The following LRP2 variants were observed in gnomAD, a reference collection of about 807,000 sequenced individuals.
The protein encoded by LRP2 is LDL receptor related protein 2.
In LRP2, 172 loss-of-function variants were observed where a neutral mutation model predicts 531.0. The observed-to-expected ratio is 0.32, with a 90% CI of 0.29 to 0.37. The LOEUF (loss-of-function observed/expected upper bound fraction) is 0.37. Ranked by LOEUF, LRP2 falls within the 10% of genes least tolerant of loss-of-function variation. The pLI, the probability that LRP2 is intolerant of heterozygous loss-of-function variation, is 1.00. For missense variants in LRP2, 5,167 were observed against 5,868.3 expected, an observed-to-expected ratio of 0.88 and a Z score of 3.90; for synonymous variants, 1,992 against 2,027.6, an observed-to-expected ratio of 0.98 and a Z score of 0.47.
chr2:169,228,936 G>A (rs900478294), intron 31 of LRP2, among the ~76,000 whole-genome samples: 5 of 152,146 alleles, frequency 3.3e-5, no homozygotes, highest in African/African-American at 9.7e-5. Flanking sequence ...CGGAGCAAAC[G>A]GGTAAAAATC....
intron 67 of LRP2, among the ~76,000 whole-genome samples, chr2:169,152,000 C>T (rs1686156656): frequency 6.6e-6 from 1 of 152,164 alleles, no homozygotes; most frequent in Non-Finnish European, 1.5e-5. Flanking sequence ...GTAGTGTCTC[C>T]TGAACCTTCC....
chr2:169,137,509 G>T lies in LRP2; in HGVS notation c.13519-16C>A. 3 of 1,396,318 alleles carry T rather than the reference G, an allele frequency of 2.1e-6. No individual in the cohort carries two copies. The highest frequency in any genetic ancestry group is 3.0e-6 in the Non-Finnish European group (3 of 984,350). 86.5% of individuals were successfully genotyped at this position (1,396,318 alleles called of 1,614,324 possible). ...AGTCTTCACTCTGATGGCAGAGACAGAAAGAGAGAGAGAGAGAGAGAGAGA... is the reference window on the plus strand; with the variant it reads ...AGTCTTCACTCTGATGGCAGAGACATAAAGAGAGAGAGAGAGAGAGAGAGA... On this transcript the variant is annotated splice_polypyrimidine_tract_variant and intron_variant, in intron 75 of 78. Transcript: ENST00000649046.
intron 52 of LRP2, 40 bp from the exon 53 acceptor site, chr2:169,178,066 TTCCTC>T: frequency 7.2e-7 from 1 of 1,397,354 alleles, no homozygotes; most frequent in Non-Finnish European, 1.0e-6. Context: ...ATAAAGGTAA[TTCCTC>T]TCCTCTAATG....
intron 49 of LRP2, among the ~76,000 whole-genome samples, 180 bp from the exon 50 acceptor site, chr2:169,186,199 C>T (rs754818009): frequency 2.6e-5 from 4 of 152,134 alleles, no homozygotes; most frequent in Non-Finnish European, 4.4e-5. Context: ...AACTTCCTCA[C>T]CAACTTACTC....
chr2:169,349,642 A>G (rs1266043029), intron 1 of LRP2, among the ~76,000 whole-genome samples: 1 of 152,154 alleles, frequency 6.6e-6, no homozygotes, highest in East Asian at 1.9e-4. Flanking sequence ...TGCCTCAGCT[A>G]TAGAAAGCCA....
intron 29 of LRP2, among the ~76,000 whole-genome samples, chr2:169,233,869 A>T (rs767428329): frequency 1.3e-5 from 2 of 152,188 alleles, no homozygotes; most frequent in Non-Finnish European, 2.9e-5. Context: ...AACAAAACTG[A>T]AGCACAAAAA....
rs976808695 is a variant in LRP2 at position 169,175,379 on chromosome 2, T to C, written c.10582A>G (p.Ile3528Val). The change falls in exon 55 of 79, where the codon ATC becomes GTC. Residue 3528 changes from isoleucine to valine, a missense_variant. Coordinates refer to ENST00000649046, the MANE Select transcript of LRP2 (RefSeq NM_004525.3). ...LCANNEKCIP[I>V]WWKCDGQKDC... ...TTCTGTCCATCACATTTCCACCAGA[T>C]AGGAATGCACCTGCACAGAGAACAT... 6.2e-7 allele frequency: 1 copy of C among 1,614,054 alleles called. No homozygotes were observed. Among genetic ancestry groups the C allele is most frequent in the East Asian group, 2.2e-5 (1 of 44,878 alleles).
intron 51 of LRP2, 150 bp downstream of exon 51, chr2:169,182,017 C>T: frequency 1.1e-6 from 1 of 940,126 alleles, no homozygotes. Flanking sequence ...TGCTTCTACT[C>T]ATTACACTAA....
chr2:169,227,144 G>A (rs999775217), intron 31 of LRP2, among the ~76,000 whole-genome samples: 1 of 152,166 alleles, frequency 6.6e-6, no homozygotes, highest in Non-Finnish European at 1.5e-5. Context: ...CTTGACTAGT[G>A]TCTCTCTTCC....
intron 68 of LRP2, among the ~76,000 whole-genome samples, 164 bp downstream of exon 68, chr2:169,150,734 T>C (rs1027596023): frequency 2.6e-5 from 4 of 152,122 alleles, no homozygotes; most frequent in Admixed American, 2.0e-4. Flanking sequence ...TTCTATATGA[T>C]CTCAAGGGCA....
chr2:169,314,808 C>A (rs1336927872), intron 3 of LRP2, among the ~76,000 whole-genome samples: 1 of 152,202 alleles, frequency 6.6e-6, no homozygotes, highest in Non-Finnish European at 1.5e-5. Flanking sequence ...GGCAGAGACA[C>A]AATTTTATCT....
intron 6 of LRP2, among the ~76,000 whole-genome samples, chr2:169,293,853 T>C (rs775080361): frequency 1.3e-5 from 2 of 152,076 alleles, no homozygotes; most frequent in Non-Finnish European, 2.9e-5. Flanking sequence ...AATCCAGTGA[T>C]ACAATATATC....
chr2:169,313,844 G>A lies in LRP2; in HGVS notation c.310+4918C>T, dbSNP rs535477840. Among the ~76,000 whole-genome samples, 5 of 152,276 alleles carry A rather than the reference G, an allele frequency of 3.3e-5. 1 individual carries two copies. The highest frequency in any genetic ancestry group is 4.1e-4 in the South Asian group (2 of 4,826). On this transcript the variant is annotated intron_variant, in intron 3 of 78. Transcript: ENST00000649046. ...TGGAACCTCCCTCCTCTCCCAAAGC[G>A]CTAGGATTTGAATGCCACAATACAT...
chr2:169,184,426 C>G (rs550433588), intron 50 of LRP2, among the ~76,000 whole-genome samples: 1 of 152,256 alleles, frequency 6.6e-6, no homozygotes, highest in African/African-American at 2.4e-5. Context: ...TTAAGGGAGT[C>G]AAATATAAGG....
chr2:169,290,324 G>A (rs1683968567), intron 8 of LRP2, among the ~76,000 whole-genome samples: 1 of 112,940 alleles, frequency 8.9e-6, no homozygotes, highest in Non-Finnish European at 1.6e-5. Context: ...TTTTCCATAA[G>A]TATAAGCCAG....
intron 46 of LRP2, among the ~76,000 whole-genome samples, chr2:169,194,994 C>T (rs1026574310): frequency 6.6e-6 from 1 of 152,168 alleles, no homozygotes; most frequent in African/African-American, 2.4e-5. Flanking sequence ...CAGGCGTGAG[C>T]CACCGCGCCT....
At chr2:169,300,484 T>C (rs986543941) in intron 4 of LRP2, among the ~76,000 whole-genome samples, 16 of 152,126 alleles carry the variant, frequency 1.1e-4, no homozygotes, top group Middle Eastern at 6.8e-3. Context: ...AAAAAATTTT[T>C]TTAAAGAAAG....
chr2:169,248,694 C>CA (rs1457917956), intron 19 of LRP2, among the ~76,000 whole-genome samples: 7 of 147,066 alleles, frequency 4.8e-5, no homozygotes, highest in African/African-American at 7.8e-5. Flanking sequence ...ACGCAGAAGA[C>CA]GGTGATTTCT....
chr2:169,356,820 C>T (rs978652293), intron 1 of LRP2, among the ~76,000 whole-genome samples: 2 of 152,204 alleles, frequency 1.3e-5, no homozygotes, highest in Non-Finnish European at 2.9e-5. Flanking sequence ...CTTTCTAATG[C>T]TGGTGAGATC....
Sources: allele counts gnomAD v4.1 joint callset (sites outside exome capture counted in the v4.1 genomes callset), GRCh38; gene constraint gnomAD v4.1.1; transcripts MANE v1.5; gene names NCBI Gene and HGNC (gene_info 2026-07-23, HGNC 2026-07-21).